CCM2L: variants seen among roughly 807,000 people sequenced by gnomAD.
The protein encoded by CCM2L is cerebral cavernous malformations 2 protein-like.
CCM2L carries 36 observed loss-of-function variants against 54.1 expected under a neutral mutation model. That is an observed-to-expected ratio of 0.67 (90% CI 0.51 to 0.88). The LOEUF (loss-of-function observed/expected upper bound fraction) is 0.88, where lower values mean the gene tolerates loss of function less well. CCM2L is among the 40% of genes least tolerant of loss of function. The pLI, the probability that CCM2L is intolerant of heterozygous loss-of-function variation, is 0.00. For missense variants in CCM2L, 700 were observed against 812.1 expected, an observed-to-expected ratio of 0.86 and a Z score of 1.68; for synonymous variants, 351 against 359.3, an observed-to-expected ratio of 0.98 and a Z score of 0.26.
chr20:32,011,195 G>A (rs1375935093), intron 1 of CCM2L, among the ~76,000 whole-genome samples: 1 of 152,092 alleles, frequency 6.6e-6, no homozygotes, highest in African/African-American at 2.4e-5. Context: ...GCTCAGAAGG[G>A]AGCCAAGACA....
intron 7 of CCM2L, 167 bp from the exon 8 acceptor site, chr20:32,028,828 C>A: frequency 1.2e-6 from 1 of 825,336 alleles, no homozygotes; most frequent in Admixed American, 2.8e-5. Context: ...AGAGCAAAGG[C>A]AAAGGCAAGC....
intron 1 of CCM2L, among the ~76,000 whole-genome samples, chr20:32,014,588 A>G (rs1237215853): frequency 1.3e-5 from 2 of 151,966 alleles, no homozygotes; most frequent in African/African-American, 4.8e-5. Flanking sequence ...ATTTTTCTGT[A>G]TTTGCCCCAG....
In CCM2L at chr20:32,014,259, A is replaced by AT. The variant is rs1469397735; in HGVS notation, c.31-644dup. Among the ~76,000 whole-genome samples, 906 of 138,882 alleles carry AT rather than the reference A, an allele frequency of 6.5e-3. 8 individuals carry two copies. The highest frequency in any genetic ancestry group is 0.011 in the African/African-American group (416 of 36,398). The allele number at this position is 138,882 out of a possible 152,430, so 91.1% of individuals were successfully genotyped here. ...TATATGTGTGTACATATATATATAT[A>AT]TATTTTTTTTTTTTTTTTGAGACAG... On this transcript the variant is annotated intron_variant, in intron 1 of 9. Transcript: ENST00000452892.
chr20:32,025,807 T>C (rs1158356996), intron 6 of CCM2L, 49 bp from the exon 7 acceptor site: 2 of 1,249,226 alleles, frequency 1.6e-6, no homozygotes, highest in Non-Finnish European at 2.1e-6. Context: ...CAGGGGATGC[T>C]GATCCCTGCT....
At chr20:32,028,900 G>T in intron 7 of CCM2L, 95 bp from the exon 8 acceptor site, 1 of 1,508,640 alleles carries the variant, frequency 6.6e-7, no homozygotes, top group Non-Finnish European at 9.0e-7. Context: ...TTGGAGGCCA[G>T]CATGCAGTCT....
rs1440685224 is a variant in CCM2L, at chr20:32,032,040, TC to T, written c.*729del. 1 of 152,176 alleles carries T rather than the reference TC, an allele frequency of 6.6e-6. No homozygotes were observed. Among genetic ancestry groups the T allele is most frequent in the East Asian group, 1.9e-4 (1 of 5,188 alleles). The allele number at this position is 152,176 out of a possible 1,614,324, so 9.4% of individuals were successfully genotyped here. A position where few individuals can be genotyped will look rare whatever the true frequency, so the allele number is the denominator to read the frequency against. ...GTTAGTGTCGTAACCTCTGTGTGCC[TC>T]CCGTTACCCCATCTGTCCAGTGAGC... is the stretch of plus-strand genomic sequence containing the variant. On this transcript the variant is annotated 3_prime_UTR_variant, in exon 10 of 10. Transcript: ENST00000452892.
chr20:32,020,375 A>G (rs2064792510), intron 5 of CCM2L, among the ~76,000 whole-genome samples: 1 of 152,140 alleles, frequency 6.6e-6, no homozygotes, highest in East Asian at 1.9e-4. Flanking sequence ...TCTCCTACCA[A>G]GCTGGTTCCT....
At chr20:32,014,224 A>G (rs897551969) in intron 1 of CCM2L, among the ~76,000 whole-genome samples, 7 of 147,922 alleles carry the variant, frequency 4.7e-5, no homozygotes, top group Non-Finnish European at 1.5e-5. Context: ...ATTTATGTAT[A>G]TGATTTATAT....
Position 32,018,179 on chromosome 20 carries a change from CGGGGGCGGGG to C in CCM2L, c.466+19_466+28del. On this transcript the variant is annotated intron_variant, in intron 4 of 9. Coordinates refer to ENST00000452892, the MANE Select transcript of CCM2L (RefSeq NM_001365692.1). ...TCAAGACCGGTGCGGCGGGAGGGGGCGGGGGCGGGGGAGGGGCGGGGGCGGGGGCGGGGGA... is the reference window on the plus strand; with the variant it reads ...TCAAGACCGGTGCGGCGGGAGGGGGCGAGGGGCGGGGGCGGGGGCGGGGGA... The C allele has an allele frequency of 1.5e-6, 1 of 666,220 alleles. No homozygotes were observed. The allele number at this position is 666,220 out of a possible 1,614,324, so 41.3% of individuals were successfully genotyped here. A position where few individuals can be genotyped will look rare whatever the true frequency, so the allele number is the denominator to read the frequency against.
intron 6 of CCM2L, among the ~76,000 whole-genome samples, chr20:32,025,166 C>CT (rs1178449024): frequency 2.7e-5 from 4 of 148,128 alleles, no homozygotes; most frequent in Middle Eastern, 6.9e-3. Context: ...TTCTTTCTTT[C>CT]TTTCCTTTCT....
At chr20:32,019,818 A>G (rs2064786331) in intron 5 of CCM2L, among the ~76,000 whole-genome samples, 1 of 152,162 alleles carries the variant, frequency 6.6e-6, no homozygotes, top group African/African-American at 2.4e-5. Context: ...CTGTATTCCC[A>G]TTCTATAGAA....
intron 5 of CCM2L, among the ~76,000 whole-genome samples, chr20:32,020,164 A>G (rs537132962): frequency 1.3e-5 from 2 of 152,190 alleles, no homozygotes; most frequent in African/African-American, 2.4e-5. Context: ...GACACCTTCA[A>G]GTTCTGAGCA....
chr20:32,025,547 G>A lies in CCM2L; in HGVS notation c.1070-309G>A, dbSNP rs1039204980. ...CTCCCAAAGTGCTGGGATTACAGGC[G>A]TGAGCCACAAATTTTTTTTTCTTTT... On this transcript the variant is annotated intron_variant, in intron 6 of 9. Transcript: ENST00000452892. Among the ~76,000 whole-genome samples, 82 of 152,278 alleles carry A rather than the reference G, an allele frequency of 5.4e-4. 1 individual carries two copies. Among genetic ancestry groups the A allele is most frequent in the African/African-American group, 1.7e-3 (69 of 41,550 alleles).
Position 32,019,344 on chromosome 20 carries a change from C to A in CCM2L, c.868C>A (p.Leu290Ile), listed in dbSNP as rs2064779512. ...GCGGCGCCACCCCGGCCCCAACCCG[C>A]TCGACCCGCAGGACCCCAGCCCCGA... Reference protein sequence around the residue: ...WERRHPGPNPLDPQDPSPDAY... With the variant: ...WERRHPGPNPIDPQDPSPDAY... The change falls in exon 5 of 10, where the codon CTC becomes ATC. Residue 290 changes from leucine (L) to isoleucine (I), a missense_variant. Physicochemically the swap from Leu to Ile is conservative, Grantham distance 5. Transcript: ENST00000452892. 1.4e-6 allele frequency: 2 copies of A among 1,473,020 alleles called. No homozygotes were observed. Among genetic ancestry groups the A allele is most frequent in the Non-Finnish European group, 1.8e-6 (2 of 1,116,428 alleles). 91.2% of individuals were successfully genotyped at this position (1,473,020 alleles called of 1,614,324 possible).
At chr20:32,014,807 T>G in intron 1 of CCM2L, 97 bp from the exon 2 acceptor site, 561 of 1,203,334 alleles carry the variant, frequency 4.7e-4, no homozygotes, top group Non-Finnish European at 5.8e-4. Flanking sequence ...AGAGTTTTGG[T>G]GAGAATTAAA....
At chr20:32,026,031 G>T (rs2064857504) in intron 7 of CCM2L, 112 bp downstream of exon 7, 11 of 755,392 alleles carry the variant, frequency 1.5e-5, no homozygotes, top group Middle Eastern at 5.6e-4. Flanking sequence ...CTGAGACACT[G>T]GGCACTAAGA....
At chr20:32,026,225 TA>T (rs1356957754) in intron 7 of CCM2L, among the ~76,000 whole-genome samples, 8 of 152,234 alleles carry the variant, frequency 5.3e-5, no homozygotes, top group Non-Finnish European at 1.0e-4. Flanking sequence ...TATCTTGGCT[TA>T]ATTTTGGTTC....
intron 9 of CCM2L, among the ~76,000 whole-genome samples, chr20:32,030,369 T>C (rs1222928137): frequency 6.6e-6 from 1 of 152,082 alleles, no homozygotes; most frequent in African/African-American, 2.4e-5. Flanking sequence ...ACATAGCTAG[T>C]AAGTAGGAAT....
intron 2 of CCM2L, among the ~76,000 whole-genome samples, chr20:32,017,253 A>G (rs1325305513): frequency 1.3e-5 from 2 of 152,240 alleles, no homozygotes; most frequent in Non-Finnish European, 2.9e-5. Context: ...ACAAAATGGT[A>G]TACTAATTTG....
Sources: gnomAD v4.1 joint callset for allele counts (sites outside exome capture counted in the v4.1 genomes callset) on GRCh38, gnomAD v4.1.1 for gene constraint, MANE v1.5 for transcripts, NCBI Gene and HGNC (gene_info 2026-07-23, HGNC 2026-07-21) for gene names.